PLCL2: variants seen among roughly 807,000 people sequenced by gnomAD.
The protein encoded by PLCL2 is inactive phospholipase C-like protein 2.
Under a neutral mutation model 79.6 loss-of-function variants are expected in PLCL2, and 4 were observed. The ratio of observed to expected loss-of-function variants is 0.05; its 90% confidence interval spans 0.02 to 0.11. The LOEUF (loss-of-function observed/expected upper bound fraction) is 0.11, where lower values mean the gene tolerates loss of function less well. PLCL2 is among the 10% of genes least tolerant of loss of function. The pLI, the probability that PLCL2 is intolerant of heterozygous loss-of-function variation, is 1.00. For missense variants in PLCL2, 895 were observed against 1,291.0 expected, an observed-to-expected ratio of 0.69 and a Z score of 4.70; for synonymous variants, 484 against 457.7, an observed-to-expected ratio of 1.06 and a Z score of -0.73.
At chr3:16,916,594 T>C (rs1697000745) in intron 1 of PLCL2, among the ~76,000 whole-genome samples, 1 of 152,184 alleles carries the variant, frequency 6.6e-6, no homozygotes, top group African/African-American at 2.4e-5. Flanking sequence ...AAGAAGTAAA[T>C]TAATACCATC....
At chr3:16,912,022 G>A (rs1006782165) in intron 1 of PLCL2, among the ~76,000 whole-genome samples, 1 of 152,106 alleles carries the variant, frequency 6.6e-6, no homozygotes, top group Non-Finnish European at 1.5e-5. Flanking sequence ...TCCCTAAGAT[G>A]TCTCATTAGG....
intron 1 of PLCL2, among the ~76,000 whole-genome samples, chr3:16,928,079 C>T (rs1281258643): frequency 1.3e-5 from 2 of 152,200 alleles, no homozygotes; most frequent in African/African-American, 2.4e-5. Flanking sequence ...CAGCCAAAGG[C>T]TCTGCATTAC....
chr3:17,034,843 A>G (rs557496035), intron 3 of PLCL2, among the ~76,000 whole-genome samples: 49 of 152,166 alleles, frequency 3.2e-4, no homozygotes, highest in Non-Finnish European at 6.0e-4. Flanking sequence ...CTTACTGTAT[A>G]TTCTCCACAG....
chr3:16,931,045 C>T lies in PLCL2; in HGVS notation c.327+45679C>T, dbSNP rs542074594. On this transcript the variant is annotated intron_variant, in intron 1 of 5. Coordinates refer to ENST00000615277, the MANE Select transcript of PLCL2 (RefSeq NM_001144382.2). ...CCTTCTGCTTGGAAGATAATGCTTC[C>T]TGCTGGCCAGTTCCCATTCCTCAGC... is the stretch of plus-strand genomic sequence containing the variant. Among the ~76,000 whole-genome samples the T allele has an allele frequency of 1.2e-3, 181 of 152,074 alleles. 1 individual carries two copies. The highest frequency in any genetic ancestry group is 1.9e-3 in the Non-Finnish European group (130 of 67,970).
At chr3:16,891,802 C>G (rs1225666306) in intron 1 of PLCL2, among the ~76,000 whole-genome samples, 1 of 152,154 alleles carries the variant, frequency 6.6e-6, no homozygotes, top group East Asian at 1.9e-4. Context: ...TGCTGGAGCC[C>G]CATGAGATTC....
intron 4 of PLCL2, among the ~76,000 whole-genome samples, chr3:17,067,707 A>G (rs1451872286): frequency 6.6e-6 from 1 of 152,142 alleles, no homozygotes; most frequent in East Asian, 1.9e-4. Flanking sequence ...AATAACAATG[A>G]TCATAGGTGC....
chr3:16,944,229 G>GCCTT (rs1197318156), intron 1 of PLCL2, among the ~76,000 whole-genome samples: 9 of 152,272 alleles, frequency 5.9e-5, no homozygotes, highest in African/African-American at 1.9e-4. Flanking sequence ...TTAGCATGAT[G>GCCTT]CCTTACATAC....
intron 3 of PLCL2, among the ~76,000 whole-genome samples, chr3:17,037,136 A>G (rs1271123916): frequency 6.6e-6 from 1 of 152,194 alleles, no homozygotes. Flanking sequence ...AACCTTATCC[A>G]TGATCACATT....
intron 3 of PLCL2, among the ~76,000 whole-genome samples, chr3:17,037,100 G>A (rs1021875823): frequency 6.6e-6 from 1 of 152,160 alleles, no homozygotes; most frequent in Non-Finnish European, 1.5e-5. Context: ...AATTACTTTG[G>A]ATTGAATTAG....
intron 3 of PLCL2, among the ~76,000 whole-genome samples, chr3:17,033,567 G>A (rs62247183): frequency 0.21 from 32,091 of 152,002 alleles, 3,808 homozygotes; most frequent in East Asian, 0.54. Context: ...TTGCATTTGC[G>A]TGTGCACAAG....
intron 1 of PLCL2, among the ~76,000 whole-genome samples, chr3:16,965,456 A>T (rs1341858140): frequency 6.6e-6 from 1 of 152,012 alleles, no homozygotes; most frequent in African/African-American, 2.4e-5. Flanking sequence ...AGGTAGCGTG[A>T]TGCCTCCAGC....
At position 16,981,010 on chromosome 3, in the gene PLCL2, C is replaced by T. The variant is rs570412677; in HGVS notation, c.328-28664C>T. 5.3e-5 allele frequency among the ~76,000 whole-genome samples: 8 copies of T among 152,362 alleles called. No homozygotes were observed. In the South Asian group the frequency reaches 1.7e-3, roughly 32 times the overall value. On this transcript the variant is annotated intron_variant, in intron 1 of 5. Coordinates refer to ENST00000615277, the MANE Select transcript of PLCL2 (RefSeq NM_001144382.2). ...AACCAGTCAAGCGTGGTGGCGCGCG[C>T]CTGCAATCGCAGGCACTCGGCAAGC...
chr3:16,910,644 TC>T (rs1405090620), intron 1 of PLCL2, among the ~76,000 whole-genome samples: 1 of 151,940 alleles, frequency 6.6e-6, no homozygotes, highest in Admixed American at 6.6e-5. Context: ...TGCCAACCAC[TC>T]CCAAATATAC....
intron 1 of PLCL2, among the ~76,000 whole-genome samples, chr3:16,893,235 T>G (rs1482297121): frequency 6.6e-6 from 1 of 152,214 alleles, no homozygotes; most frequent in Non-Finnish European, 1.5e-5. Flanking sequence ...GGGGGGTTAG[T>G]TTCCATTTTT....
intron 4 of PLCL2, among the ~76,000 whole-genome samples, chr3:17,045,275 C>A (rs912246229): frequency 1.1e-4 from 16 of 152,142 alleles, no homozygotes; most frequent in African/African-American, 3.6e-4. Context: ...AATTTTAAAG[C>A]ACAAACATAT....
intron 1 of PLCL2, among the ~76,000 whole-genome samples, chr3:16,888,161 A>G (rs9845538): frequency 6.9e-4 from 105 of 152,342 alleles, no homozygotes; most frequent in African/African-American, 2.4e-3. Context: ...AGGTGGGCAA[A>G]GAAAGGGGGA....
At chr3:16,990,640 C>T (rs1245827247) in intron 1 of PLCL2, among the ~76,000 whole-genome samples, 1 of 152,132 alleles carries the variant, frequency 6.6e-6, no homozygotes, top group Non-Finnish European at 1.5e-5. Context: ...TTAGGTCAGC[C>T]TCTACAGCGC....
intron 4 of PLCL2, among the ~76,000 whole-genome samples, chr3:17,066,465 C>T (rs2065012114): frequency 6.6e-6 from 1 of 152,158 alleles, no homozygotes; most frequent in Non-Finnish European, 1.5e-5. Flanking sequence ...TTGTCAATCA[C>T]CATGTAAAGA....
At chr3:17,008,548 A>G (rs1216674553) in intron 1 of PLCL2, among the ~76,000 whole-genome samples, 2 of 152,024 alleles carry the variant, frequency 1.3e-5, no homozygotes, top group East Asian at 1.9e-4. Flanking sequence ...AGCTGGTTCC[A>G]TGGGCCTAGC....
Sources: allele counts gnomAD v4.1 joint callset (sites outside exome capture counted in the v4.1 genomes callset), GRCh38; gene constraint gnomAD v4.1.1; transcripts MANE v1.5; gene names NCBI Gene and HGNC (gene_info 2026-07-23, HGNC 2026-07-21).